The following JAKMIP3 variants were observed in gnomAD, a reference collection of about 807,000 sequenced individuals.
The protein encoded by JAKMIP3 is janus kinase and microtubule-interacting protein 3.
A neutral mutation model predicts 118.5 loss-of-function variants in JAKMIP3; 58 were observed. The ratio of observed to expected loss-of-function variants is 0.49; its 90% CI spans 0.40 to 0.61. JAKMIP3 has a LOEUF of 0.61. Ranked by LOEUF, JAKMIP3 falls within the 20% of genes least tolerant of loss-of-function variation. The pLI, the probability that JAKMIP3 is intolerant of heterozygous loss-of-function variation, is 0.00. For synonymous variants in JAKMIP3, 486 were observed against 451.2 expected (o/e 1.08, Z -0.98); for missense variants, 950 against 1,109.0 (o/e 0.86, Z 2.04).
At chr10:132,164,524 T>A (rs2058698426) in intron 20 of JAKMIP3, 146 bp from the exon 21 acceptor site, 1 of 633,858 alleles carries the variant, frequency 1.6e-6, no homozygotes, top group Non-Finnish European at 2.8e-6. Flanking sequence ...CAGCAAAGGC[T>A]TGTGTCCTCG....
At chr10:132,039,733 C>A (rs1004250943) in intron 1 of JAKMIP3, among the ~76,000 whole-genome samples, 1 of 152,254 alleles carries the variant, frequency 6.6e-6, no homozygotes, top group Non-Finnish European at 1.5e-5. Flanking sequence ...CAGCAAAGGT[C>A]TTGAAGATGG....
chr10:132,139,419 T>C (rs534910685), intron 9 of JAKMIP3, among the ~76,000 whole-genome samples: 1,118 of 91,970 alleles, frequency 0.012, 13 homozygotes, highest in South Asian at 0.019. Flanking sequence ...TGTGTGAGTG[T>C]GTGTGTGTGT....
chr10:132,121,863 G>A (rs1359681777), intron 3 of JAKMIP3, among the ~76,000 whole-genome samples: 1 of 152,186 alleles, frequency 6.6e-6, no homozygotes, highest in African/African-American at 2.4e-5. Context: ...TCCACCCTGA[G>A]GACAGTCGCG....
Position 132,104,954 on chromosome 10 carries a change from C to T in JAKMIP3, c.135+11C>T, listed in dbSNP as rs753689736. The T allele has an allele frequency of 6.9e-6, 11 of 1,582,918 alleles. No individual in the cohort carries two copies. The highest frequency in any genetic ancestry group is 6.0e-6 in the Non-Finnish European group (7 of 1,164,778). On this transcript the variant is annotated intron_variant, in intron 2 of 23. Transcript: ENST00000684848. ...CAGGAGAAGAGCAAGGTGGGCGCTC[C>T]CCAGACCTCCACCCTTGAATGTCCC...
intron 2 of JAKMIP3, among the ~76,000 whole-genome samples, chr10:132,111,533 C>T (rs1412345733): frequency 1.3e-5 from 2 of 151,986 alleles, no homozygotes; most frequent in Non-Finnish European, 2.9e-5. Context: ...GCCCCGGGGG[C>T]CATGCGGGTG....
intron 19 of JAKMIP3, among the ~76,000 whole-genome samples, chr10:132,154,845 C>CGGTGGTGGTGGTGAT (rs1554953177): frequency 1.9e-5 from 2 of 104,960 alleles, no homozygotes; most frequent in East Asian, 6.5e-4. Flanking sequence ...ATGGTGGTGG[C>CGGTGGTGGTGGTGAT]GGTGGTGGTG....
At chr10:132,124,364 C>A (rs2049109939) in intron 3 of JAKMIP3, among the ~76,000 whole-genome samples, 1 of 151,882 alleles carries the variant, frequency 6.6e-6, no homozygotes, top group African/African-American at 2.4e-5. Flanking sequence ...CACGTCCCAC[C>A]CCGGCACATC....
In JAKMIP3 at chr10:132,180,601, GC is replaced by G. The variant is rs2060843164; in HGVS notation, c.*1104-1755del. On this transcript the variant is annotated intron_variant, in intron 23 of 23. Coordinates refer to ENST00000684848, the MANE Select transcript of JAKMIP3 (RefSeq NM_001323087.2). ...TGTGCGTGCGCGTGTGTGTGTGCGT[GC>G]GCGTGTGTGTGTGCGTGTGTGTGCG... Among the ~76,000 whole-genome samples the G allele has an allele frequency of 1.2e-4, 6 of 49,254 alleles. 1 individual carries two copies. The highest frequency in any genetic ancestry group is 4.7e-4 in the African/African-American group (5 of 10,730). The allele number at this position is 49,254 out of a possible 152,430, so 32.3% of individuals were successfully genotyped here. A position where few individuals can be genotyped will look rare whatever the true frequency, so the allele number is the denominator to read the frequency against.
chr10:132,181,075 A>G (rs1374324924), intron 23 of JAKMIP3: 2 of 151,856 alleles, frequency 1.3e-5, no homozygotes, highest in East Asian at 1.9e-4. Flanking sequence ...GTACGTGCAC[A>G]TGTAGTGTGT....
At position 132,117,184 on chromosome 10, in the gene JAKMIP3, G is replaced by C; in HGVS notation, c.243G>C (p.Glu81Asp). ...CGGAGCTCAAGACAAAGCTGCACGA[G>C]GAGAAGATGAAGGAGCTACAGGCTG... ...LLTELKTKLH[E>D]EKMKELQAVR... Residue 81 changes from glutamate to aspartate, a missense_variant, in exon 3 of 24, where the codon GAG (glutamate) becomes GAC (aspartate). Glu to Asp is a conservative substitution (Grantham distance 45). Transcript: ENST00000684848. The surrounding 1 kb of genome is among the most constrained non-coding windows in gnomAD (Gnocchi z 8.6). 1 of 1,613,964 alleles carries C rather than the reference G, an allele frequency of 6.2e-7. No homozygotes were observed. The highest frequency in any genetic ancestry group is 8.5e-7 in the Non-Finnish European group (1 of 1,179,912).
chr10:132,068,470 C>T (rs921579815), intron 1 of JAKMIP3, among the ~76,000 whole-genome samples: 4 of 149,810 alleles, frequency 2.7e-5, no homozygotes, highest in Admixed American at 2.6e-4. Context: ...TAGGCTTCTT[C>T]CATGAATCTC....
At position 132,047,527 on chromosome 10, in the gene JAKMIP3, C is replaced by G. The variant is rs372191217; in HGVS notation, c.-138+10789C>G. 6.1e-4 allele frequency among the ~76,000 whole-genome samples: 93 copies of G among 152,316 alleles called. 1 individual carries two copies. Among genetic ancestry groups the G allele is most frequent in the African/African-American group, 2.1e-3 (86 of 41,554 alleles). The stretch of plus-strand genomic sequence containing the variant: ...TCTCGTACAGCCACAGTGCATTTGC[C>G]AAAACCAGGACACTAACATTGGTAC... On this transcript the variant is annotated intron_variant, in intron 1 of 23. Coordinates refer to the JAKMIP3 transcript ENST00000657785.
chr10:132,181,769 G>T lies in JAKMIP3; in HGVS notation c.*1104-588G>T, dbSNP rs11146232. Among the ~76,000 whole-genome samples the T allele has an allele frequency of 4.0e-3, 609 of 152,052 alleles. 4 individuals are homozygous for T. Among genetic ancestry groups the T allele is most frequent in the African/African-American group, 0.014 (569 of 41,476 alleles). On this transcript the variant is annotated intron_variant, in intron 23 of 23. Coordinates refer to ENST00000684848, the MANE Select transcript of JAKMIP3 (RefSeq NM_001323087.2). ...ACCTCTCCTAGATTAGAAAACCGTG[G>T]TGTCTCTACGGCCGGGCCCTCTGCC...
At chr10:132,175,500 G>A (rs945279446) in intron 23 of JAKMIP3, among the ~76,000 whole-genome samples, 1 of 152,158 alleles carries the variant, frequency 6.6e-6, no homozygotes, top group South Asian at 2.1e-4. Context: ...CCCTTGAGCC[G>A]GCAGAGCCAG....
chr10:132,116,372 T>C (rs1479671802), intron 2 of JAKMIP3, among the ~76,000 whole-genome samples: 9 of 150,412 alleles, frequency 6.0e-5, no homozygotes, highest in African/African-American at 2.2e-4. Context: ...CATTCAGGTG[T>C]GAGTGTGTGC....
rs1970006 is a variant in JAKMIP3, at chr10:132,049,757, T to G, written c.-138+13019T>G. On this transcript the variant is annotated intron_variant, in intron 1 of 23. Transcript: ENST00000657785. This position sits in a 1 kb window ranked among gnomAD's most constrained non-coding sequence, Gnocchi z 4.3. ...CCTTGGCCTCCCAAAGTGCTGGGATTACAGGAGTGAGCCACCCTTCCCAGC... is the reference window on the plus strand; with the variant it reads ...CCTTGGCCTCCCAAAGTGCTGGGATGACAGGAGTGAGCCACCCTTCCCAGC... Among the ~76,000 whole-genome samples, 2 of 152,036 alleles carry G rather than the reference T, an allele frequency of 1.3e-5. No individual in the cohort carries two copies. Among genetic ancestry groups the G allele is most frequent in the Non-Finnish European group, 2.9e-5 (2 of 68,008 alleles).
chr10:132,140,560 C>G lies in JAKMIP3; in HGVS notation c.1454C>G (p.Pro485Arg). The G allele has an allele frequency of 6.2e-7, 1 of 1,601,070 alleles. No individual in the cohort carries two copies. ...AGGACGGACCAGACCCCGTGCACCCCGGACGATGACTTGGAGGAGGTAACG... is the reference window on the plus strand; with the variant it reads ...AGGACGGACCAGACCCCGTGCACCCGGGACGATGACTTGGAGGAGGTAACG... Reference protein sequence around the residue: ...TDRTDQTPCTPDDDLEEGMAK... With the variant: ...TDRTDQTPCTRDDDLEEGMAK... The change falls in exon 10 of 24, where the codon CCG (proline) becomes CGG (arginine). Residue 485 changes from proline (P) to arginine (R), a missense_variant. By Grantham distance (103) the Pro-to-Arg change is moderately radical (BLOSUM62 -2). Transcript: ENST00000684848.
At chr10:132,093,540 G>T (rs2043388877) in intron 1 of JAKMIP3, among the ~76,000 whole-genome samples, 1 of 152,212 alleles carries the variant, frequency 6.6e-6, no homozygotes, top group Non-Finnish European at 1.5e-5. Flanking sequence ...TCTGAGCCAG[G>T]CACGGGATAT....
chr10:132,125,294 T>C (rs1331328134), intron 3 of JAKMIP3, among the ~76,000 whole-genome samples: 2 of 152,272 alleles, frequency 1.3e-5, no homozygotes, highest in African/African-American at 4.8e-5. Context: ...GCTGTGTGGA[T>C]ATCCAACTAT....
Sources: allele counts gnomAD v4.1 joint callset (sites outside exome capture counted in the v4.1 genomes callset), GRCh38; gene constraint gnomAD v4.1.1; non-coding constraint Gnocchi (gnomAD v3.1); transcripts MANE v1.5; gene names NCBI Gene and HGNC (gene_info 2026-07-23, HGNC 2026-07-21).